Variants in ZNF521 observed in about 807,000 individuals in gnomAD.
ZNF521 encodes the protein zinc finger protein 521, also known as LYST-interacting protein 3.
A neutral mutation model predicts 105.5 loss-of-function variants in ZNF521; 14 were observed. The observed-to-expected ratio is 0.13, with a 90% CI of 0.09 to 0.21. ZNF521 has a LOEUF of 0.21. Ranked by LOEUF, ZNF521 falls within the 10% of genes least tolerant of loss-of-function variation. ZNF521 has a pLI of 1.00. For missense variants in ZNF521, 1,233 were observed against 1,629.7 expected (o/e 0.76, Z 4.19); for synonymous variants, 635 against 606.0 (o/e 1.05, Z -0.70).
intron 2 of ZNF521, among the ~76,000 whole-genome samples, chr18:25,335,321 T>C (rs1913809916): frequency 6.6e-6 from 1 of 152,182 alleles, no homozygotes; most frequent in Admixed American, 6.5e-5. Flanking sequence ...AATACGTAAC[T>C]TAAGGTCTTT....
chr18:25,088,556 C>T (rs190527728), intron 7 of ZNF521, among the ~76,000 whole-genome samples: 1 of 152,118 alleles, frequency 6.6e-6, no homozygotes, highest in Non-Finnish European at 1.5e-5. Flanking sequence ...TTCTCCTCCA[C>T]GGGAACCAAT....
intron 5 of ZNF521, among the ~76,000 whole-genome samples, chr18:25,159,333 T>C (rs1264593629): frequency 1.3e-5 from 2 of 152,274 alleles, no homozygotes; most frequent in East Asian, 3.9e-4. Flanking sequence ...TGCCCAAAGT[T>C]TGGATAACCC....
intron 5 of ZNF521, among the ~76,000 whole-genome samples, chr18:25,099,281 T>C (rs770767190): frequency 2.0e-5 from 3 of 152,182 alleles, no homozygotes; most frequent in Non-Finnish European, 4.4e-5. Flanking sequence ...ATATCTATTG[T>C]TTGTCAGTTG....
chr18:25,069,125 T>C (rs2033150861), intron 7 of ZNF521, among the ~76,000 whole-genome samples: 1 of 152,254 alleles, frequency 6.6e-6, no homozygotes, highest in South Asian at 2.1e-4. Flanking sequence ...CTATATCTTC[T>C]ACATTAATCA....
chr18:25,350,857 A>G, intron 2 of ZNF521, 50 bp downstream of exon 2: 3 of 1,538,372 alleles, frequency 2.0e-6, no homozygotes, highest in Middle Eastern at 1.7e-4. Context: ...CGCTACCCAC[A>G]GTGACACTCG....
At chr18:25,241,543 A>T (rs527380344) in intron 3 of ZNF521, among the ~76,000 whole-genome samples, 1 of 152,104 alleles carries the variant, frequency 6.6e-6, no homozygotes, top group Admixed American at 6.5e-5. Context: ...GTTGTTGATG[A>T]ATACAAATGT....
In ZNF521 at chr18:25,062,686, A is replaced by G. The variant is rs1202716390; in HGVS notation, c.*26T>C. On this transcript the variant is annotated 3_prime_UTR_variant, in exon 8 of 8. Transcript: ENST00000361524. The stretch of plus-strand genomic sequence containing the variant: ...GTTCCCTTTTTGTGCCACAAAATCA[A>G]TTCTCCTTGAGAGACTGTACTTGCA... The G allele has an allele frequency of 6.3e-7, 1 of 1,590,482 alleles. No individual in the cohort carries two copies.
At chr18:25,212,538 A>AAATATATATATAT (rs1555647923) in intron 4 of ZNF521, among the ~76,000 whole-genome samples, 1 of 48,132 alleles carries the variant, frequency 2.1e-5, no homozygotes, top group African/African-American at 1.3e-4. Flanking sequence ...AAAAAAAAAA[A>AAATATATATATAT]ATATATATAT....
chr18:25,340,483 T>G (rs1251391091), intron 2 of ZNF521, among the ~76,000 whole-genome samples: 1 of 152,238 alleles, frequency 6.6e-6, no homozygotes, highest in Non-Finnish European at 1.5e-5. Flanking sequence ...AAAGTAAGGC[T>G]GTCCAAACTG....
At chr18:25,235,473 C>T (rs756453109) in intron 3 of ZNF521, among the ~76,000 whole-genome samples, 8 of 152,112 alleles carry the variant, frequency 5.3e-5, no homozygotes, top group Non-Finnish European at 1.2e-4. Context: ...CATTTCACCA[C>T]GTTAATGGTT....
intron 5 of ZNF521, among the ~76,000 whole-genome samples, chr18:25,136,159 T>C (rs991614345): frequency 3.3e-5 from 5 of 152,206 alleles, no homozygotes; most frequent in Admixed American, 6.5e-5. Flanking sequence ...CTTCTGGATA[T>C]ACAGTTTCTT....
At chr18:25,148,656 G>C (rs1045491758) in intron 5 of ZNF521, among the ~76,000 whole-genome samples, 1 of 152,102 alleles carries the variant, frequency 6.6e-6, no homozygotes, top group Non-Finnish European at 1.5e-5. Context: ...TCTACCTGCT[G>C]CAAAACTGTA....
chr18:25,133,597 C>T (rs7244172), intron 5 of ZNF521, among the ~76,000 whole-genome samples: 142,190 of 152,254 alleles, frequency 0.93, 66,672 homozygotes, highest in Middle Eastern at 0.99. Flanking sequence ...ATGGAGACTA[C>T]TGTGTATCTA....
At chr18:25,185,674 C>T (rs2035708663) in intron 5 of ZNF521, among the ~76,000 whole-genome samples, 1 of 152,068 alleles carries the variant, frequency 6.6e-6, no homozygotes, top group South Asian at 2.1e-4. Context: ...GTGCATCCCA[C>T]CCTAACAGGC....
intron 5 of ZNF521, among the ~76,000 whole-genome samples, chr18:25,105,410 G>A (rs998706023): frequency 6.6e-6 from 1 of 152,158 alleles, no homozygotes; most frequent in Admixed American, 6.6e-5. Context: ...AGCACAAGAT[G>A]TTGAAGGAAG....
intron 5 of ZNF521, among the ~76,000 whole-genome samples, chr18:25,117,006 TACACACACACACATATATATATACATAC>T (rs1567968762): frequency 1.5e-4 from 17 of 114,644 alleles, no homozygotes; most frequent in African/African-American, 4.3e-4. Context: ...TATATATACA[TACACACACACACATATATATATACATAC>T]ACACACACAC....
At chr18:25,262,656 T>G (rs986568373) in intron 3 of ZNF521, among the ~76,000 whole-genome samples, 1 of 152,158 alleles carries the variant, frequency 6.6e-6, no homozygotes, top group Admixed American at 6.5e-5. Flanking sequence ...AGTGGTAAGT[T>G]TTTTGATATG....
At chr18:25,174,996 T>C (rs1038865521) in intron 5 of ZNF521, among the ~76,000 whole-genome samples, 3 of 152,238 alleles carry the variant, frequency 2.0e-5, no homozygotes, top group African/African-American at 7.2e-5. Flanking sequence ...TAAAAGCGAA[T>C]GTAATTAGAT....
intron 4 of ZNF521, among the ~76,000 whole-genome samples, chr18:25,203,448 C>T (rs1363062751): frequency 2.0e-5 from 3 of 152,126 alleles, no homozygotes; most frequent in African/African-American, 7.2e-5. Context: ...AAGACCCCAT[C>T]TCCACAAAAT....
Sources: gnomAD v4.1 joint callset for allele counts (sites outside exome capture counted in the v4.1 genomes callset) on GRCh38, gnomAD v4.1.1 for gene constraint, MANE v1.5 for transcripts, NCBI Gene and HGNC (gene_info 2026-07-23, HGNC 2026-07-21) for gene names.